SIDT1: variants seen among roughly 807,000 people sequenced by gnomAD.
The protein encoded by SIDT1 is SID1 transmembrane family member 1, also known as SID1 transmembrane family, member 1.
SIDT1 carries 101 observed loss-of-function variants against 107.5 expected under a neutral mutation model. The ratio of observed to expected loss-of-function variants is 0.94; its 90% CI spans 0.80 to 1.11. The LOEUF (loss-of-function observed/expected upper bound fraction) is 1.11. Among genes scored for constraint, SIDT1 ranks in the 50% least tolerant of loss-of-function variants. SIDT1 has a pLI of 0.00. For missense variants in SIDT1, 1,076 were observed against 1,058.2 expected (o/e 1.02, Z -0.23); for synonymous variants, 395 against 398.2 (o/e 0.99, Z 0.10).
Position 113,601,584 on chromosome 3 carries a change from A to G in SIDT1, c.1046-4A>G, listed in dbSNP as rs1218158049. On this transcript the variant is annotated splice_region_variant and splice_polypyrimidine_tract_variant and intron_variant, in intron 10 of 24. Transcript: ENST00000264852. Reference sequence around the variant, plus strand: ...AGTGTTTGCCTCTTCACTTTTTTTAACAGGCTCTGGAAATATGGTGGCATC... The same window carrying G: ...AGTGTTTGCCTCTTCACTTTTTTTAGCAGGCTCTGGAAATATGGTGGCATC... 1.2e-6 allele frequency: 2 copies of G among 1,612,986 alleles called. No homozygotes were observed. The highest frequency in any genetic ancestry group is 1.7e-5 in the Admixed American group (1 of 59,926).
chr3:113,624,963 A>C (rs1391806044), intron 23 of SIDT1, among the ~76,000 whole-genome samples: 1 of 151,942 alleles, frequency 6.6e-6, no homozygotes, highest in Non-Finnish European at 1.5e-5. Flanking sequence ...CTTTGTCCAT[A>C]CCTCTGTTGA....
chr3:113,601,870 G>C (rs1944982423), intron 11 of SIDT1: 1 of 483,146 alleles, frequency 2.1e-6, no homozygotes, highest in Admixed American at 3.9e-5. Flanking sequence ...TCTTGGATCT[G>C]CTAGCCCCAC....
intron 9 of SIDT1, among the ~76,000 whole-genome samples, chr3:113,589,482 C>A (rs1259964682): frequency 1.3e-5 from 2 of 151,646 alleles, no homozygotes; most frequent in African/African-American, 2.4e-5. Flanking sequence ...TTCACCACAG[C>A]CTCTTTTGCC....
intron 10 of SIDT1, chr3:113,594,845 A>G (rs1560093149): frequency 6.5e-6 from 1 of 154,256 alleles, no homozygotes; most frequent in Non-Finnish European, 1.5e-5. Flanking sequence ...GAGCCAAAAG[A>G]TGTACTTCAG....
At chr3:113,535,204 T>C (rs1388057679) in intron 1 of SIDT1, among the ~76,000 whole-genome samples, 1 of 152,120 alleles carries the variant, frequency 6.6e-6, no homozygotes, top group Non-Finnish European at 1.5e-5. Context: ...AGCCCAGGAA[T>C]TTGAGGCTGC....
chr3:113,565,440 G>A (rs568443715), intron 1 of SIDT1, among the ~76,000 whole-genome samples: 17 of 152,216 alleles, frequency 1.1e-4, no homozygotes, highest in South Asian at 8.3e-4. Context: ...GCTGAGGCAC[G>A]AGGATTCCTT....
At chr3:113,561,744 C>G (rs371851963) in intron 1 of SIDT1, among the ~76,000 whole-genome samples, 1 of 152,038 alleles carries the variant, frequency 6.6e-6, no homozygotes, top group Non-Finnish European at 1.5e-5. Context: ...AAGTCAGAAA[C>G]GCTGGGGGTT....
the SIDT1 span, among the ~76,000 whole-genome samples, chr3:113,636,624 C>T: frequency 6.6e-6 from 1 of 152,194 alleles, no homozygotes; most frequent in Non-Finnish European, 1.5e-5. Context: ...ACCAGACCCA[C>T]ACAGCAGAAA....
At chr3:113,549,415 C>G (rs113863690) in intron 1 of SIDT1, among the ~76,000 whole-genome samples, 1,686 of 152,272 alleles carry the variant, frequency 0.011, 37 homozygotes, top group African/African-American at 0.038. Context: ...ACCTCATCAG[C>G]ATTTGGTGTT....
intron 1 of SIDT1, among the ~76,000 whole-genome samples, chr3:113,551,834 T>C (rs1238434041): frequency 6.6e-6 from 1 of 151,768 alleles, no homozygotes; most frequent in African/African-American, 2.4e-5. Context: ...GGTGTGTGTG[T>C]GTGTGTGTGT....
chr3:113,546,839 C>T (rs1262828287), intron 1 of SIDT1, among the ~76,000 whole-genome samples: 4 of 152,048 alleles, frequency 2.6e-5, no homozygotes, highest in African/African-American at 9.7e-5. Context: ...CACATGTTGC[C>T]ATGCAGTACC....
chr3:113,579,291 C>A (rs746345258), intron 4 of SIDT1, among the ~76,000 whole-genome samples: 1 of 152,156 alleles, frequency 6.6e-6, no homozygotes, highest in Non-Finnish European at 1.5e-5. Flanking sequence ...GTTGTTAATA[C>A]TTTCAGTGGG....
rs1230429895 is a variant in SIDT1 at position 113,545,916 on chromosome 3, A to G, written c.222+12673A>G. Among the ~76,000 whole-genome samples, 6 of 152,372 alleles carry G rather than the reference A, an allele frequency of 3.9e-5. No homozygotes were observed. In the South Asian group the frequency reaches 1.2e-3, roughly 32 times the overall value. On this transcript the variant is annotated intron_variant, in intron 1 of 24. Transcript: ENST00000264852. ...AGTTTTCATTAGTGGTTTCTGAAATATGATAAACTTTGCATTATTTCTGGG... is the reference window on the plus strand; with the variant it reads ...AGTTTTCATTAGTGGTTTCTGAAATGTGATAAACTTTGCATTATTTCTGGG...
Position 113,581,427 on chromosome 3 carries a change from G to T in SIDT1, c.730G>T (p.Ala244Ser). 6.2e-7 allele frequency: 1 copy of T among 1,613,928 alleles called. No individual in the cohort carries two copies. Among genetic ancestry groups the T allele is most frequent in the South Asian group, 1.1e-5 (1 of 91,080 alleles). ...TGTCTATCAGTCCATGACCAAGAAAGCTGCCATCACGCTACAGGTGAGGCA... is the reference window on the plus strand; with the variant it reads ...TGTCTATCAGTCCATGACCAAGAAATCTGCCATCACGCTACAGGTGAGGCA... ...NGVYQSMTKKAAITLQKKDFP... is the reference protein window; with the variant it reads ...NGVYQSMTKKSAITLQKKDFP... The change falls in exon 6 of 25, where the codon GCT (alanine) becomes TCT (serine). Residue 244 changes from alanine (A) to serine (S), a missense_variant. Coordinates refer to ENST00000264852, the MANE Select transcript of SIDT1 (RefSeq NM_017699.3).
intron 10 of SIDT1, among the ~76,000 whole-genome samples, chr3:113,597,117 G>A (rs779459125): frequency 6.6e-6 from 1 of 152,130 alleles, no homozygotes; most frequent in Non-Finnish European, 1.5e-5. Context: ...ACATCCATCT[G>A]CAAAGATGAT....
intron 7 of SIDT1, 74 bp downstream of exon 7, chr3:113,583,570 C>T: frequency 9.0e-7 from 1 of 1,115,216 alleles, no homozygotes; most frequent in Non-Finnish European, 1.3e-6. Flanking sequence ...GCTGAAACCT[C>T]CTTTCTAGTT....
chr3:113,622,707 C>T (rs935013253), intron 21 of SIDT1, among the ~76,000 whole-genome samples: 3 of 152,030 alleles, frequency 2.0e-5, no homozygotes, highest in African/African-American at 7.2e-5. Context: ...AAATGAAAAA[C>T]ATAAGCTCAA....
chr3:113,632,161 A>G (rs945194382), downstream of SIDT1, among the ~76,000 whole-genome samples: 3 of 152,294 alleles, frequency 2.0e-5, no homozygotes, highest in South Asian at 6.2e-4. Context: ...TTATAGTTAC[A>G]ATTTAGAAAT....
chr3:113,550,299 G>C (rs150816881), intron 1 of SIDT1, among the ~76,000 whole-genome samples: 1 of 152,228 alleles, frequency 6.6e-6, no homozygotes, highest in East Asian at 1.9e-4. Context: ...TTGAGGCTTT[G>C]CTAATGGCAA....
Sources: allele counts gnomAD v4.1 joint callset (sites outside exome capture counted in the v4.1 genomes callset), GRCh38; gene constraint gnomAD v4.1.1; transcripts MANE v1.5; gene names NCBI Gene and HGNC (gene_info 2026-07-23, HGNC 2026-07-21).